HELZ: variants seen among roughly 807,000 people sequenced by gnomAD.
HELZ encodes the protein helicase with zinc finger, also known as ATP-dependent RNA helicase with zinc finger domain.
Under a neutral mutation model 218.2 loss-of-function variants are expected in HELZ, and 23 were observed. The ratio of observed to expected loss-of-function variants is 0.11; its 90% CI spans 0.08 to 0.15. The LOEUF is 0.15. HELZ is among the 10% of genes least tolerant of loss of function. The pLI is 1.00. For synonymous variants in HELZ, 814 were observed against 829.4 expected (o/e 0.98, Z 0.32); for missense variants, 1,813 against 2,353.7 (o/e 0.77, Z 4.75).
At chr17:67,110,582 A>AAAC (rs1238169307) in intron 28 of HELZ, among the ~76,000 whole-genome samples, 1 of 152,150 alleles carries the variant, frequency 6.6e-6, no homozygotes, top group African/African-American at 2.4e-5. Context: ...CTGGTGTTGG[A>AAAC]AATTAAACAG....
At chr17:67,213,951 G>A (rs1295379001) in intron 5 of HELZ, among the ~76,000 whole-genome samples, 1 of 152,070 alleles carries the variant, frequency 6.6e-6, no homozygotes, top group Non-Finnish European at 1.5e-5. Flanking sequence ...AATTTTTAAA[G>A]GAAAAACTCT....
chr17:67,165,344 A>G (rs1345382268), intron 15 of HELZ, among the ~76,000 whole-genome samples: 1 of 152,140 alleles, frequency 6.6e-6, no homozygotes, highest in Admixed American at 6.5e-5. Context: ...GGGAAGTGAT[A>G]TATACCACTC....
At chr17:67,203,620 A>T (rs567117030) in intron 5 of HELZ, among the ~76,000 whole-genome samples, 177 bp from the exon 6 acceptor site, 1 of 152,384 alleles carries the variant, frequency 6.6e-6, no homozygotes, top group South Asian at 2.1e-4. Flanking sequence ...TATAAGAACA[A>T]GAAAAAACAT....
At chr17:67,187,131 G>A (rs1395986744) in intron 12 of HELZ, among the ~76,000 whole-genome samples, 1 of 152,028 alleles carries the variant, frequency 6.6e-6, no homozygotes, top group Non-Finnish European at 1.5e-5. Context: ...CAAATACTAT[G>A]CTAATATATA....
intron 3 of HELZ, among the ~76,000 whole-genome samples, chr17:67,226,329 T>C (rs1465070129): frequency 2.2e-5 from 3 of 136,720 alleles, no homozygotes; most frequent in Non-Finnish European, 3.2e-5. Context: ...ACTAACCAAA[T>C]AAAAACTGAG....
At chr17:67,180,927 C>G (rs1056546722) in intron 12 of HELZ, among the ~76,000 whole-genome samples, 1 of 148,526 alleles carries the variant, frequency 6.7e-6, no homozygotes, top group Admixed American at 6.7e-5. Flanking sequence ...ATGGCATGCA[C>G]GTGTAATCCC....
chr17:67,235,460 G>A lies in HELZ; in HGVS notation c.-19+3973C>T, dbSNP rs148986689. ...GCGGAGGCTGCAGTGAGTCGAGATC[G>A]TGTCACTGTACTCCAGCCTGGGCAA... On this transcript the variant is annotated intron_variant, in intron 3 of 32. Transcript: ENST00000358691. Among the ~76,000 whole-genome samples, 39 of 151,552 alleles carry A rather than the reference G, an allele frequency of 2.6e-4. No homozygotes were observed. In the East Asian group the frequency reaches 4.7e-3, roughly 18 times the overall value.
intron 3 of HELZ, among the ~76,000 whole-genome samples, chr17:67,235,749 C>T (rs1476657508): frequency 6.4e-5 from 5 of 78,672 alleles, no homozygotes; most frequent in Non-Finnish European, 1.1e-4. Context: ...ACCACACACT[C>T]TTTTTTTTTT....
At chr17:67,082,860 GT>G (rs1181656722) in intron 32 of HELZ, among the ~76,000 whole-genome samples, 2,817 of 122,156 alleles carry the variant, frequency 0.023, 54 homozygotes, top group African/African-American at 0.065. Context: ...TTTTTTTTTT[GT>G]TTTTTTTTTT....
chr17:67,210,079 C>A (rs901761538), intron 5 of HELZ, among the ~76,000 whole-genome samples: 1 of 152,070 alleles, frequency 6.6e-6, no homozygotes, highest in African/African-American at 2.4e-5. Flanking sequence ...AAAAATTAAT[C>A]AACTATGCTG....
intron 3 of HELZ, among the ~76,000 whole-genome samples, chr17:67,235,749 CTTTTTTTTTTTT>C (rs1216322685): frequency 3.8e-5 from 3 of 78,670 alleles, no homozygotes; most frequent in Admixed American, 3.5e-4. Context: ...ACCACACACT[CTTTTTTTTTTTT>C]TTTTTTTTTT....
chr17:67,163,339 T>C (rs1432240263), intron 15 of HELZ, among the ~76,000 whole-genome samples: 1 of 152,214 alleles, frequency 6.6e-6, no homozygotes, highest in Non-Finnish European at 1.5e-5. Flanking sequence ...TAAACATTTA[T>C]AGAAAGCCAA....
At chr17:67,153,419 C>CG (rs2038748837) in intron 17 of HELZ, among the ~76,000 whole-genome samples, 2 of 152,146 alleles carry the variant, frequency 1.3e-5, no homozygotes, top group East Asian at 3.9e-4. Context: ...ATGGCTTCTA[C>CG]TCCGTCAGTA....
chr17:67,083,464 A>C (rs1191608760), intron 32 of HELZ, among the ~76,000 whole-genome samples: 1 of 151,878 alleles, frequency 6.6e-6, no homozygotes, highest in African/African-American at 2.4e-5. Context: ...ACATGGTGAA[A>C]CCCTGTCTCT....
intron 9 of HELZ, among the ~76,000 whole-genome samples, chr17:67,192,806 G>T (rs192733931): frequency 1.3e-5 from 2 of 152,068 alleles, no homozygotes; most frequent in African/African-American, 4.8e-5. Context: ...AAAAAGAACC[G>T]AAGAGTTTAC....
chr17:67,077,931 TTC>T lies in HELZ; in HGVS notation c.*319_*320del, dbSNP rs1329978264. The T allele has an allele frequency of 6.1e-6, 1 of 162,852 alleles. No individual in the cohort carries two copies. The highest frequency in any genetic ancestry group is 1.3e-5 in the Non-Finnish European group (1 of 76,604). The allele number at this position is 162,852 out of a possible 1,614,324, so 10.1% of individuals were successfully genotyped here. A position where few individuals can be genotyped will look rare whatever the true frequency, so the allele number is the denominator to read the frequency against. ...TTTTAAATACATTTTAGACAAACTTTTCTTTTTTTTTTTTTTTTTATAGTTGC... is the reference window on the plus strand; with the variant it reads ...TTTTAAATACATTTTAGACAAACTTTTTTTTTTTTTTTTTTTTATAGTTGC... On this transcript the variant is annotated 3_prime_UTR_variant, in exon 33 of 33. Transcript: ENST00000358691.
chr17:67,187,121 C>A (rs1163521831), intron 12 of HELZ, among the ~76,000 whole-genome samples: 3 of 152,102 alleles, frequency 2.0e-5, no homozygotes, highest in Non-Finnish European at 4.4e-5. Context: ...AAGAATTTGC[C>A]AAATACTATG....
intron 1 of HELZ, chr17:67,244,715 G>GA: frequency 1.0e-6 from 1 of 984,944 alleles, no homozygotes; most frequent in Non-Finnish European, 1.2e-6. Flanking sequence ...TCCGAGGCCT[G>GA]AGGGGGGGCA....
Position 67,107,475 on chromosome 17 carries a change from G to A in HELZ, c.4935C>T (p.Ser1645=). 1 of 1,614,208 alleles carries A rather than the reference G, an allele frequency of 6.2e-7. No individual in the cohort carries two copies. The highest frequency in any genetic ancestry group is 2.2e-5 in the East Asian group (1 of 44,878). The change falls in exon 31 of 33, where the codon AGC becomes AGT. Residue 1645 remains serine (S), a synonymous_variant. Transcript: ENST00000358691. ...GGAGGCGCTGTGGAAATGCTGGGTT[G>A]CTGGCTACTTCAATGTCTCTGCTGT... is the stretch of plus-strand genomic sequence containing the variant. ...NDNSRDIEVA[S]NPAFPQRLPP...
Sources: allele counts gnomAD v4.1 joint callset (sites outside exome capture counted in the v4.1 genomes callset), GRCh38; gene constraint gnomAD v4.1.1; transcripts MANE v1.5; gene names NCBI Gene and HGNC (gene_info 2026-07-23, HGNC 2026-07-21).